ZNF160: variants seen among roughly 807,000 people sequenced by gnomAD.
The protein encoded by ZNF160 is zinc finger protein 160.
ZNF160 carries 9 observed loss-of-function variants against 13.1 expected under a neutral mutation model. That is an observed-to-expected ratio of 0.69 (90% confidence interval 0.41 to 1.20). The LOEUF (loss-of-function observed/expected upper bound fraction) is 1.20, where lower values mean the gene tolerates loss of function less well. Ranked by LOEUF, ZNF160 falls within the 50% of genes most tolerant of loss-of-function variation. The probability of loss-of-function intolerance (pLI) is 0.01; values close to 1 mark genes in which losing one functional copy is unlikely to be tolerated. For synonymous variants in ZNF160, 293 were observed against 333.2 expected, an observed-to-expected ratio of 0.88 and a Z score of 1.31; for missense variants, 838 against 988.0, an observed-to-expected ratio of 0.85 and a Z score of 2.04.
chr19:53,075,447 T>C (rs1166761678), intron 3 of ZNF160: 5 of 401,378 alleles, frequency 1.2e-5, no homozygotes, highest in Non-Finnish European at 1.9e-5. Context: ...AGCTTCAGGA[T>C]GGAGGGCGGT....
At chr19:53,078,403 C>T (rs945007006) in intron 3 of ZNF160, among the ~76,000 whole-genome samples, 2 of 151,430 alleles carry the variant, frequency 1.3e-5, no homozygotes, top group Non-Finnish European at 2.9e-5. Flanking sequence ...AAGTGAGACC[C>T]CATCTCTAAA....
intron 3 of ZNF160, among the ~76,000 whole-genome samples, chr19:53,081,090 AAT>A (rs1568488985): frequency 6.6e-6 from 1 of 152,210 alleles, no homozygotes; most frequent in Non-Finnish European, 1.5e-5. Flanking sequence ...TTAAATACTT[AAT>A]ATAAGACCTC....
At chr19:53,101,617 A>G (rs1238348154) in intron 1 of ZNF160, among the ~76,000 whole-genome samples, 1 of 152,188 alleles carries the variant, frequency 6.6e-6, no homozygotes, top group Non-Finnish European at 1.5e-5. Flanking sequence ...AACCTTCAGC[A>G]TGAACTGTGA....
intron 3 of ZNF160, chr19:53,075,898 T>C: frequency 4.0e-6 from 2 of 494,314 alleles, no homozygotes; most frequent in South Asian, 2.9e-5. Flanking sequence ...TGCGCTGTTG[T>C]GGGATTGAGC....
intron 4 of ZNF160, among the ~76,000 whole-genome samples, chr19:53,074,690 A>G (rs1226364612): frequency 2.8e-5 from 4 of 142,516 alleles, no homozygotes; most frequent in African/African-American, 1.0e-4. Context: ...AAAAAAAATC[A>G]TCCACTGAAT....
Position 53,083,383 on chromosome 19 carries a change from C to A in ZNF160, c.15+2879G>T, listed in dbSNP as rs2084707159. 2.0e-5 allele frequency among the ~76,000 whole-genome samples: 3 copies of A among 152,232 alleles called. 1 individual carries two copies. Among genetic ancestry groups the A allele is most frequent in the Admixed American group, 2.0e-4 (3 of 15,290 alleles). ...ATGCAAAAAGACAACACTTAGGAAA[C>A]TCTATAGATTTTAGGAGCTGTATAT... On this transcript the variant is annotated intron_variant, in intron 3 of 5. Coordinates refer to ENST00000683776, the MANE Select transcript of ZNF160 (RefSeq NM_001322131.2).
intron 1 of ZNF160, among the ~76,000 whole-genome samples, chr19:53,098,786 C>T (rs936892196): frequency 1.8e-4 from 27 of 151,154 alleles, no homozygotes; most frequent in Non-Finnish European, 5.9e-5. Context: ...CACCGGGCCC[C>T]GGTGATGTGT....
intron 1 of ZNF160, among the ~76,000 whole-genome samples, chr19:53,101,519 G>A (rs1309891507): frequency 6.6e-6 from 1 of 151,904 alleles, no homozygotes; most frequent in African/African-American, 2.4e-5. Context: ...AGAAAAGAAT[G>A]ACATGAGCCA....
chr19:53,075,442 C>T, intron 3 of ZNF160: 1 of 409,296 alleles, frequency 2.4e-6, no homozygotes, highest in South Asian at 2.2e-5. Flanking sequence ...TAGGTAGCTT[C>T]AGGATGGAGG....
chr19:53,085,275 C>T (rs1005732398), intron 3 of ZNF160: 28 of 902,124 alleles, frequency 3.1e-5, no homozygotes, highest in Non-Finnish European at 3.2e-5. Context: ...CACAACCAAA[C>T]ATTCACTGAG....
chr19:53,091,108 C>T (rs927937728), intron 2 of ZNF160: 1 of 152,218 alleles, frequency 6.6e-6, no homozygotes, highest in African/African-American at 2.4e-5. Context: ...GGGCTGTAAT[C>T]CCAGCCGAAG....
intron 2 of ZNF160, among the ~76,000 whole-genome samples, chr19:53,090,759 ACT>A (rs2085004084): frequency 6.6e-6 from 1 of 151,776 alleles, no homozygotes; most frequent in South Asian, 2.1e-4. Context: ...CAGGGCGAGG[ACT>A]CTCTTGCACC....
chr19:53,072,713 T>C (rs1351160144), intron 5 of ZNF160, among the ~76,000 whole-genome samples: 1 of 151,928 alleles, frequency 6.6e-6, no homozygotes, highest in Non-Finnish European at 1.5e-5. Flanking sequence ...TAACCAGGCA[T>C]GGTGGCGCAT....
Position 53,067,870 on chromosome 19 carries a change from A to T in ZNF160, c.*207T>A. On this transcript the variant is annotated 3_prime_UTR_variant, in exon 6 of 6. Coordinates refer to ENST00000683776, the MANE Select transcript of ZNF160 (RefSeq NM_001322131.2). ...ATTTGTTTCGTTTCATCAAAGATATAAATCTTGATGCCTAGTAACCTGCGA... is the reference window on the plus strand; with the variant it reads ...ATTTGTTTCGTTTCATCAAAGATATTAATCTTGATGCCTAGTAACCTGCGA... The T allele has an allele frequency of 1.7e-6, 1 of 583,800 alleles. No individual in the cohort carries two copies. Among genetic ancestry groups the T allele is most frequent in the Non-Finnish European group, 2.8e-6 (1 of 358,314 alleles). 36.2% of individuals were successfully genotyped at this position (583,800 alleles called of 1,614,324 possible). A position where few individuals can be genotyped will look rare whatever the true frequency, so the allele number is the denominator to read the frequency against.
chr19:53,067,474 TAATCAATGATCTTCACCC>T lies in ZNF160; in HGVS notation c.*585_*602del, dbSNP rs1348186197. 1.3e-5 allele frequency: 2 copies of T among 152,232 alleles called. No homozygotes were observed. Among genetic ancestry groups the T allele is most frequent in the Admixed American group, 1.3e-4 (2 of 15,278 alleles). The allele number at this position is 152,232 out of a possible 1,614,324, so 9.4% of individuals were successfully genotyped here. On this transcript the variant is annotated 3_prime_UTR_variant, in exon 6 of 6. Transcript: ENST00000683776. Reference sequence around the variant, plus strand: ...AATTGGATAGAAATAATCCTTCACCTAATCAATGATCTTCACCCAATCAATGATCCTTCCATCCCAATG... The same window carrying T: ...AATTGGATAGAAATAATCCTTCACCTAATCAATGATCCTTCCATCCCAATG...
Position 53,066,757 on chromosome 19 carries a change from C to T in ZNF160, c.*1320G>A, listed in dbSNP as rs2083983006. On this transcript the variant is annotated 3_prime_UTR_variant, in exon 6 of 6. Coordinates refer to ENST00000683776, the MANE Select transcript of ZNF160 (RefSeq NM_001322131.2). ...CTCTACTTCTGTTGATTAAACTCTT[C>T]ACTCTGACAACTACTCTCTCTTCAG... is the stretch of plus-strand genomic sequence containing the variant. The T allele has an allele frequency of 6.6e-6, 1 of 152,150 alleles. No individual in the cohort carries two copies. Among genetic ancestry groups the T allele is most frequent in the Admixed American group, 6.5e-5 (1 of 15,270 alleles). 9.4% of individuals were successfully genotyped at this position (152,150 alleles called of 1,614,324 possible).
chr19:53,067,499 T>G lies in ZNF160; in HGVS notation c.*578A>C, dbSNP rs1036584698. 1.3e-5 allele frequency: 2 copies of G among 152,292 alleles called. No homozygotes were observed. Among genetic ancestry groups the G allele is most frequent in the African/African-American group, 4.8e-5 (2 of 41,464 alleles). The allele number at this position is 152,292 out of a possible 1,614,324, so 9.4% of individuals were successfully genotyped here. Reference sequence around the variant, plus strand: ...TAATCAATGATCTTCACCCAATCAATGATCCTTCCATCCCAATGATCTTTC... The same window carrying G: ...TAATCAATGATCTTCACCCAATCAAGGATCCTTCCATCCCAATGATCTTTC... On this transcript the variant is annotated 3_prime_UTR_variant, in exon 6 of 6. Coordinates refer to ENST00000683776, the MANE Select transcript of ZNF160 (RefSeq NM_001322131.2).
chr19:53,072,842 A>C lies in ZNF160; in HGVS notation c.271+1298T>G. The stretch of plus-strand genomic sequence containing the variant: ...CTCCAGCCTGGGCAACAAGAGCGAA[A>C]CTTCATTTAAAAAAAAAATTATTGT... On this transcript the variant is annotated intron_variant, in intron 5 of 5. Coordinates refer to ENST00000683776, the MANE Select transcript of ZNF160 (RefSeq NM_001322131.2). 4.6e-6 allele frequency: 3 copies of C among 650,364 alleles called. No homozygotes were observed. The South Asian group carries it at 2.1e-4, about 44-fold the overall frequency. 40.3% of individuals were successfully genotyped at this position (650,364 alleles called of 1,614,324 possible).
intron 3 of ZNF160, chr19:53,085,400 G>GGCT (rs1219732413): frequency 6.2e-6 from 1 of 161,750 alleles, no homozygotes; most frequent in African/African-American, 2.4e-5. Flanking sequence ...GAGGGTGGAA[G>GGCT]GCTGGACAGG....
Sources: allele counts gnomAD v4.1 joint callset (sites outside exome capture counted in the v4.1 genomes callset), GRCh38; gene constraint gnomAD v4.1.1; transcripts MANE v1.5; gene names NCBI Gene and HGNC (gene_info 2026-07-23, HGNC 2026-07-21).